ZFAND3: variants seen among roughly 807,000 people sequenced by gnomAD.
The protein encoded by ZFAND3 is zinc finger AN1-type containing 3.
In ZFAND3, 10 loss-of-function variants were observed where a neutral mutation model predicts 29.6. The observed-to-expected ratio is 0.34, with a 90% CI of 0.21 to 0.57. ZFAND3 has a LOEUF of 0.57. Ranked by LOEUF, ZFAND3 falls within the 20% of genes least tolerant of loss-of-function variation. The pLI is 0.86. For synonymous variants in ZFAND3, 128 were observed against 112.6 expected (o/e 1.14, Z -0.87); for missense variants, 230 against 304.5 (o/e 0.76, Z 1.82).
intron 2 of ZFAND3, among the ~76,000 whole-genome samples, chr6:37,977,124 C>G (rs1272268388): frequency 6.6e-6 from 1 of 152,016 alleles, no homozygotes; most frequent in African/African-American, 2.4e-5. Flanking sequence ...AATTGTAACA[C>G]AATGGTAAAT....
intron 1 of ZFAND3, among the ~76,000 whole-genome samples, chr6:37,835,725 T>C (rs989908332): frequency 6.6e-6 from 1 of 151,922 alleles, no homozygotes; most frequent in Admixed American, 6.6e-5. Flanking sequence ...ATGTTTCCTA[T>C]GCATGTACTG....
At chr6:37,823,803 G>C (rs564633253) in intron 1 of ZFAND3, among the ~76,000 whole-genome samples, 1 of 149,422 alleles carries the variant, frequency 6.7e-6, no homozygotes, top group African/African-American at 2.5e-5. Flanking sequence ...TTTTTTTTTG[G>C]GGGGGGGTAG....
chr6:38,102,536 A>G (rs1032141136), intron 4 of ZFAND3, among the ~76,000 whole-genome samples: 6 of 152,154 alleles, frequency 3.9e-5, no homozygotes, highest in African/African-American at 9.7e-5. Flanking sequence ...TTAGAGACCA[A>G]GGTGTTGGGG....
At chr6:38,121,027 T>A (rs1765523375) in intron 5 of ZFAND3, among the ~76,000 whole-genome samples, 1 of 152,174 alleles carries the variant, frequency 6.6e-6, no homozygotes, top group Non-Finnish European at 1.5e-5. Context: ...AAATACAGAA[T>A]CTAAGAGCTT....
intron 1 of ZFAND3, among the ~76,000 whole-genome samples, chr6:37,844,188 T>C (rs1764133860): frequency 6.6e-6 from 1 of 151,410 alleles, no homozygotes; most frequent in South Asian, 2.1e-4. Context: ...CCTCCTAAAG[T>C]GTTGGGATTA....
chr6:38,111,354 T>G (rs1232868006), intron 4 of ZFAND3, among the ~76,000 whole-genome samples: 1 of 152,236 alleles, frequency 6.6e-6, no homozygotes, highest in African/African-American at 2.4e-5. Flanking sequence ...CCCTAAATAA[T>G]ACAGTATAAC....
intron 1 of ZFAND3, among the ~76,000 whole-genome samples, chr6:37,862,139 T>A (rs918877752): frequency 6.6e-6 from 1 of 152,136 alleles, no homozygotes. Context: ...TTTTATTGAA[T>A]TTTTTAATGT....
At chr6:37,993,836 C>T (rs958535875) in intron 2 of ZFAND3, among the ~76,000 whole-genome samples, 2 of 152,154 alleles carry the variant, frequency 1.3e-5, no homozygotes, top group African/African-American at 4.8e-5. Context: ...AATGTACTTA[C>T]ATTATACAAC....
intron 2 of ZFAND3, among the ~76,000 whole-genome samples, chr6:38,051,104 T>G (rs1200442056): frequency 1.3e-5 from 2 of 152,058 alleles, no homozygotes; most frequent in Non-Finnish European, 2.9e-5. Flanking sequence ...TAGGACCAGA[T>G]TGTAAGAGCA....
chr6:37,985,929 A>G (rs996626532), intron 2 of ZFAND3, among the ~76,000 whole-genome samples: 2 of 152,210 alleles, frequency 1.3e-5, no homozygotes, highest in Non-Finnish European at 2.9e-5. Flanking sequence ...CTATCCATCC[A>G]TCTAACAAGT....
rs554785300 is a variant in ZFAND3 at position 37,961,936 on chromosome 6, C to T, written c.112+31937C>T. Among the ~76,000 whole-genome samples, 79 of 152,260 alleles carry T rather than the reference C, an allele frequency of 5.2e-4. 1 individual carries two copies. In the South Asian group the frequency reaches 0.016, roughly 30 times the overall value. The stretch of plus-strand genomic sequence containing the variant: ...CAAAGACTACAATAAATACCTAACT[C>T]TTCAATGCCCAGACACAGAGGGGTG... On this transcript the variant is annotated intron_variant, in intron 2 of 5. Coordinates refer to ENST00000287218, the MANE Select transcript of ZFAND3 (RefSeq NM_021943.3).
chr6:37,982,847 C>A (rs974993674), intron 2 of ZFAND3, among the ~76,000 whole-genome samples: 1 of 152,198 alleles, frequency 6.6e-6, no homozygotes, highest in Non-Finnish European at 1.5e-5. Flanking sequence ...ATACCTGTTA[C>A]TACCCCTGAA....
chr6:38,094,970 C>G (rs578052203), intron 4 of ZFAND3, among the ~76,000 whole-genome samples: 1 of 152,216 alleles, frequency 6.6e-6, no homozygotes, highest in African/African-American at 2.4e-5. Context: ...CATTTTGTAG[C>G]ATTTTGGATT....
intron 1 of ZFAND3, among the ~76,000 whole-genome samples, chr6:37,845,121 G>A (rs1286038671): frequency 6.6e-6 from 1 of 152,056 alleles, no homozygotes; most frequent in East Asian, 1.9e-4. Context: ...GGTCAAAGCA[G>A]TTATGGAGCC....
intron 2 of ZFAND3, among the ~76,000 whole-genome samples, chr6:37,987,244 A>C (rs1762686986): frequency 6.6e-6 from 1 of 152,172 alleles, no homozygotes; most frequent in African/African-American, 2.4e-5. Context: ...GATGAGTCAG[A>C]GGTTGCGGGT....
chr6:37,913,221 A>G lies in ZFAND3; in HGVS notation c.72-16738A>G, dbSNP rs139953273. On this transcript the variant is annotated intron_variant, in intron 1 of 5. Coordinates refer to ENST00000287218, the MANE Select transcript of ZFAND3 (RefSeq NM_021943.3). ...TTTTTATGAAATATTTCTCTATAGAATGTAATGCTGTTTGATAGCATTTTA... is the reference window on the plus strand; with the variant it reads ...TTTTTATGAAATATTTCTCTATAGAGTGTAATGCTGTTTGATAGCATTTTA... Among the ~76,000 whole-genome samples the G allele has an allele frequency of 4.6e-3, 703 of 152,284 alleles. 9 individuals carry two copies. Among genetic ancestry groups the G allele is most frequent in the African/African-American group, 0.016 (669 of 41,562 alleles).
chr6:38,070,081 TC>T (rs1308617939), intron 3 of ZFAND3, among the ~76,000 whole-genome samples: 3 of 152,228 alleles, frequency 2.0e-5, no homozygotes, highest in Admixed American at 1.3e-4. Flanking sequence ...CGCTGTTTAT[TC>T]ATTATGGGTT....
chr6:37,833,952 A>G (rs1252842324), intron 1 of ZFAND3, among the ~76,000 whole-genome samples: 2 of 152,062 alleles, frequency 1.3e-5, no homozygotes, highest in African/African-American at 2.4e-5. Context: ...AGCCTCCCCT[A>G]CTATCGACAT....
intron 1 of ZFAND3, among the ~76,000 whole-genome samples, chr6:37,853,211 G>T (rs893243347): frequency 6.6e-6 from 1 of 151,926 alleles, no homozygotes; most frequent in African/African-American, 2.4e-5. Context: ...TATCTAAATG[G>T]GATCAGTGAC....
Sources: gnomAD v4.1 joint callset for allele counts (sites outside exome capture counted in the v4.1 genomes callset) on GRCh38, gnomAD v4.1.1 for gene constraint, MANE v1.5 for transcripts, NCBI Gene and HGNC (gene_info 2026-07-23, HGNC 2026-07-21) for gene names.